The following HHATL variants were observed in gnomAD, a reference collection of about 807,000 sequenced individuals.
HHATL encodes the protein protein-cysteine N-palmitoyltransferase HHAT-like protein.
Under a neutral mutation model 59.7 loss-of-function variants are expected in HHATL, and 49 were observed. The observed-to-expected ratio is 0.82, with a 90% confidence interval of 0.65 to 1.04. The LOEUF (loss-of-function observed/expected upper bound fraction) is 1.04. Among genes scored for constraint, HHATL ranks in the 50% least tolerant of loss-of-function variants. The pLI is 0.00. For synonymous variants in HHATL, 238 were observed against 257.3 expected (o/e 0.93, Z 0.72); for missense variants, 605 against 650.8 (o/e 0.93, Z 0.77).
At chr3:42,698,026 A>G in intron 6 of HHATL, 116 bp downstream of exon 6, 1 of 1,100,372 alleles carries the variant, frequency 9.1e-7, no homozygotes, top group Non-Finnish European at 1.3e-6. Context: ...TTCATCCTGG[A>G]ATCATGCCTG....
chr3:42,699,092 G>A lies in HHATL; in HGVS notation c.228C>T (p.Ile76=). The change falls in exon 4 of 12, where the codon ATC becomes ATT. Residue 76 remains isoleucine, a synonymous_variant. Transcript: ENST00000441594. The part of the protein sequence containing the change: ...VMWFTSFRNV[I]IFALSGHVLF... ...GCACATGTCCGGAGAGGGCAAAGAT[G>A]ATGACGTTGCGAAAGGAGGTGAACC... 1 of 1,614,116 alleles carries A rather than the reference G, an allele frequency of 6.2e-7. No homozygotes were observed. The highest frequency in any genetic ancestry group is 8.5e-7 in the Non-Finnish European group (1 of 1,180,022).
At chr3:42,700,360 C>CTGTG (rs113288672) in intron 2 of HHATL, among the ~76,000 whole-genome samples, 1 of 133,988 alleles carries the variant, frequency 7.5e-6, no homozygotes, top group Non-Finnish European at 1.6e-5. Context: ...GTCTAGGTCT[C>CTGTG]TGTGTGTGTG....
intron 2 of HHATL, among the ~76,000 whole-genome samples, 193 bp from the exon 3 acceptor site, chr3:42,700,018 G>A (rs1289789198): frequency 6.6e-6 from 1 of 151,802 alleles, no homozygotes; most frequent in Non-Finnish European, 1.5e-5. Context: ...GTGTGTGTGT[G>A]TGTGTGTTGG....
At chr3:42,699,229 G>GCC (rs1364295421) in intron 3 of HHATL, 84 bp from the exon 4 acceptor site, 1 of 773,622 alleles carries the variant, frequency 1.3e-6, no homozygotes, top group African/African-American at 1.7e-5. Context: ...GCTGGTCAGA[G>GCC]CCCCAGCACC....
chr3:42,701,076 C>A lies in HHATL; in HGVS notation c.-13-237G>T. 2.0e-6 allele frequency: 1 copy of A among 509,666 alleles called. No individual in the cohort carries two copies. Among genetic ancestry groups the A allele is most frequent in the Admixed American group, 3.2e-5 (1 of 30,772 alleles). 31.6% of individuals were successfully genotyped at this position (509,666 alleles called of 1,614,324 possible). ...CCCACCCCACCCATCAAGGCTCTTG[C>A]CCGCAGAGCCCTCACTCGCAGCCTG... On this transcript the variant is annotated intron_variant, in intron 1 of 11. Coordinates refer to ENST00000441594, the MANE Select transcript of HHATL (RefSeq NM_020707.4). This position sits in a 1 kb window ranked among gnomAD's most constrained non-coding sequence, Gnocchi z 5.1.
intron 2 of HHATL, among the ~76,000 whole-genome samples, chr3:42,700,104 A>ATG (rs1201298168): frequency 3.0e-4 from 9 of 29,642 alleles, no homozygotes; most frequent in Admixed American, 2.5e-3. Context: ...GTGTGTCGGG[A>ATG]TGTGTGTGTG....
At position 42,693,189 on chromosome 3, in the gene HHATL, C is replaced by T. The variant is rs1190882487; in HGVS notation, c.1278G>A (p.Arg426=). 1 of 1,614,130 alleles carries T rather than the reference C, an allele frequency of 6.2e-7. No homozygotes were observed. Among genetic ancestry groups the T allele is most frequent in the Admixed American group, 1.7e-5 (1 of 60,024 alleles). The change falls in exon 11 of 12, where the codon AGG becomes AGA. Residue 426 remains arginine, a synonymous_variant. Transcript: ENST00000441594. ...TCATGGCTCCAAACAGGGCCCGGAC[C>T]CTACGGGACATCTGCACTGACAGAG... ...EASLSVQMSR[R]VRALFGAMNF...
In HHATL at chr3:42,701,694, C is replaced by G. The variant is rs2125860560; in HGVS notation, c.-13-855G>C. Reference sequence around the variant, plus strand: ...CTCCAGCGGGGGCCTAGCTTGTCCCCTGGAGAACTGCTGGGCCGTACTACG... The same window carrying G: ...CTCCAGCGGGGGCCTAGCTTGTCCCGTGGAGAACTGCTGGGCCGTACTACG... On this transcript the variant is annotated intron_variant, in intron 1 of 11. Transcript: ENST00000441594. This position sits in a 1 kb window ranked among gnomAD's most constrained non-coding sequence, Gnocchi z 5.1. Among the ~76,000 whole-genome samples the G allele has an allele frequency of 6.6e-6, 1 of 152,354 alleles. No individual in the cohort carries two copies. Among genetic ancestry groups the G allele is most frequent in the East Asian group, 1.9e-4 (1 of 5,190 alleles).
intron 10 of HHATL, 30 bp downstream of exon 10, chr3:42,693,587 C>G (rs1203734936): frequency 1.3e-6 from 2 of 1,599,902 alleles, no homozygotes; most frequent in Middle Eastern, 1.7e-4. Context: ...ATGACCCAGC[C>G]AGTCCCAGCC....
rs1249040595 is a variant in HHATL at position 42,693,076 on chromosome 3, C to G, written c.1390+1G>C. 6.2e-7 allele frequency: 1 copy of G among 1,614,180 alleles called. No individual in the cohort carries two copies. The highest frequency in any genetic ancestry group is 8.5e-7 in the Non-Finnish European group (1 of 1,180,012). The stretch of plus-strand genomic sequence containing the variant: ...TGTATCCCCACACCCCTGTCCCTCA[C>G]CTGTGAGTAGCAGGCGCCGGGCAAC... On this transcript the variant is annotated splice_donor_variant, in intron 11 of 11. Transcript: ENST00000441594. LOFTEE classifies it high-confidence loss of function.
chr3:42,700,414 C>T (rs1451328597), intron 2 of HHATL, among the ~76,000 whole-genome samples: 1 of 140,932 alleles, frequency 7.1e-6, no homozygotes, highest in African/African-American at 2.7e-5. Flanking sequence ...GGGTCTAGGT[C>T]TCTGTGTGTG....
In HHATL at chr3:42,692,895, T is replaced by G; in HGVS notation, c.1391-20A>C. 1 of 1,612,064 alleles carries G rather than the reference T, an allele frequency of 6.2e-7. No homozygotes were observed. Among genetic ancestry groups the G allele is most frequent in the Non-Finnish European group, 8.5e-7 (1 of 1,178,156 alleles). ...GGAACCCTGTGTGGGGAGGGAGTCATAGATGCTCAGGAGCAGCACTGCATC... is the reference window on the plus strand; with the variant it reads ...GGAACCCTGTGTGGGGAGGGAGTCAGAGATGCTCAGGAGCAGCACTGCATC... On this transcript the variant is annotated intron_variant, in intron 11 of 11. Transcript: ENST00000441594.
chr3:42,700,093 T>C, intron 2 of HHATL, among the ~76,000 whole-genome samples: 1 of 151,034 alleles, frequency 6.6e-6, no homozygotes, highest in East Asian at 2.0e-4. Context: ...TGTGTGTGTG[T>C]GTGTGTCGGG....
chr3:42,697,712 CAAGCCCTGCCTGGGG>C (rs1174725550), intron 6 of HHATL, 33 bp from the exon 7 acceptor site: 1 of 1,597,574 alleles, frequency 6.3e-7, no homozygotes, highest in South Asian at 1.1e-5. Flanking sequence ...AGGGAAGAGG[CAAGCCCTGCCTGGGG>C]AGCCCTGTCT....
Position 42,701,723 on chromosome 3 carries a change from C to T in HHATL, c.-14+856G>A, listed in dbSNP as rs1202086573. On this transcript the variant is annotated intron_variant, in intron 1 of 11. Transcript: ENST00000441594. This position sits in a 1 kb window ranked among gnomAD's most constrained non-coding sequence, Gnocchi z 5.1. ...AGAACTGCTGGGCCGTACTACGGCT[C>T]AGCTAGCACCTTTACCCTTCCTATC... Among the ~76,000 whole-genome samples, 2 of 152,248 alleles carry T rather than the reference C, an allele frequency of 1.3e-5. No individual in the cohort carries two copies. Among genetic ancestry groups the T allele is most frequent in the Non-Finnish European group, 2.9e-5 (2 of 68,034 alleles).
chr3:42,698,259 C>T lies in HHATL; in HGVS notation c.576G>A (p.Leu192=), dbSNP rs759888674. Residue 192 remains leucine, a synonymous_variant, in exon 6 of 12, where the codon CTG becomes CTA. Transcript: ENST00000441594. The part of the protein sequence containing the change: ...FTVLRCTSFA[L]ESCAHPDRHY... Reference sequence around the variant, plus strand: ...GGCGGTCAGGGTGGGCACAGCTCTCCAGTGCAAAGCTGGTGCAACGCAGCA... The same window carrying T: ...GGCGGTCAGGGTGGGCACAGCTCTCTAGTGCAAAGCTGGTGCAACGCAGCA... 6.2e-7 allele frequency: 1 copy of T among 1,614,158 alleles called. No individual in the cohort carries two copies. The highest frequency in any genetic ancestry group is 1.1e-5 in the South Asian group (1 of 91,080).
At chr3:42,700,279 T>C (rs1697891360) in intron 2 of HHATL, among the ~76,000 whole-genome samples, 1 of 149,868 alleles carries the variant, frequency 6.7e-6, no homozygotes, top group African/African-American at 2.5e-5. Flanking sequence ...TCCAGGTCTC[T>C]GTGTGTGTAT....
intron 9 of HHATL, among the ~76,000 whole-genome samples, chr3:42,694,352 TACC>T (rs1292544357): frequency 6.6e-6 from 1 of 152,132 alleles, no homozygotes; most frequent in Non-Finnish European, 1.5e-5. Context: ...TCACCTCCTC[TACC>T]ACCACCACCC....
At chr3:42,699,927 G>T (rs1575245348) in intron 2 of HHATL, 102 bp from the exon 3 acceptor site, 1 of 883,216 alleles carries the variant, frequency 1.1e-6, no homozygotes, top group South Asian at 1.6e-5. Flanking sequence ...AGGGCATCAG[G>T]AACGGGGCAC....
Sources: allele counts gnomAD v4.1 joint callset (sites outside exome capture counted in the v4.1 genomes callset), GRCh38; gene constraint gnomAD v4.1.1; non-coding constraint Gnocchi (gnomAD v3.1); transcripts MANE v1.5; gene names NCBI Gene and HGNC (gene_info 2026-07-23, HGNC 2026-07-21).